GMDS: variants seen among roughly 807,000 people sequenced by gnomAD.
The protein encoded by GMDS is GDP-mannose 4,6 dehydratase.
In GMDS, 20 loss-of-function variants were observed where a neutral mutation model predicts 49.9. The ratio of observed to expected loss-of-function variants is 0.40; its 90% CI spans 0.28 to 0.58. GMDS has a LOEUF of 0.58. Ranked by LOEUF, GMDS falls within the 20% of genes least tolerant of loss-of-function variation. GMDS has a pLI of 0.42. For synonymous variants in GMDS, 177 were observed against 178.6 expected (o/e 0.99, Z 0.07); for missense variants, 362 against 481.4 (o/e 0.75, Z 2.32).
chr6:1,941,572 T>A (rs1028534254), intron 6 of GMDS, among the ~76,000 whole-genome samples: 2 of 151,922 alleles, frequency 1.3e-5, no homozygotes, highest in Non-Finnish European at 2.9e-5. Context: ...CAAGAAAGAA[T>A]GGGGGTGAGA....
chr6:1,952,249 A>G (rs988685516), intron 6 of GMDS: 6 of 152,296 alleles, frequency 3.9e-5, no homozygotes, highest in African/African-American at 1.4e-4. Context: ...TTTCAAGGAA[A>G]AAATAGTATC....
chr6:1,800,379 G>T (rs925586799), intron 7 of GMDS, among the ~76,000 whole-genome samples: 2 of 152,038 alleles, frequency 1.3e-5, no homozygotes, highest in African/African-American at 4.8e-5. Flanking sequence ...TCTCAGGAGG[G>T]TTAGACATCT....
chr6:1,716,096 CAAAATCCCTGG>C (rs1766166620), intron 9 of GMDS, among the ~76,000 whole-genome samples: 1 of 152,178 alleles, frequency 6.6e-6, no homozygotes. Flanking sequence ...TCATTCTCAA[CAAAATCCCTGG>C]AAAATAGGGA....
At chr6:2,034,664 AG>A (rs1001376872) in intron 4 of GMDS, among the ~76,000 whole-genome samples, 3 of 152,196 alleles carry the variant, frequency 2.0e-5, no homozygotes, top group African/African-American at 7.2e-5. Context: ...CAGTTCTCAA[AG>A]TACGGTCTGG....
At chr6:1,725,126 G>T (rs968642517) in intron 9 of GMDS, among the ~76,000 whole-genome samples, 21 of 44,390 alleles carry the variant, frequency 4.7e-4, no homozygotes, top group Admixed American at 1.5e-3. Flanking sequence ...CAGGGAAAAT[G>T]GTTTCAAAAA....
intron 4 of GMDS, among the ~76,000 whole-genome samples, chr6:1,974,901 G>A (rs1178261446): frequency 2.0e-5 from 3 of 151,306 alleles, no homozygotes; most frequent in Non-Finnish European, 4.4e-5. Flanking sequence ...AGCCAGGCAC[G>A]ATGGTGGGCG....
intron 4 of GMDS, among the ~76,000 whole-genome samples, chr6:2,014,535 C>T (rs1317682617): frequency 2.6e-5 from 4 of 151,794 alleles, no homozygotes; most frequent in Non-Finnish European, 5.9e-5. Context: ...AATGTATATC[C>T]CAAACTTTAG....
At chr6:2,080,211 G>A (rs1772599462) in intron 4 of GMDS, among the ~76,000 whole-genome samples, 1 of 151,934 alleles carries the variant, frequency 6.6e-6, no homozygotes, top group Admixed American at 6.6e-5. Flanking sequence ...TTCATATCCT[G>A]CACTGTTTTT....
chr6:1,714,070 T>G (rs1306571322), intron 9 of GMDS, among the ~76,000 whole-genome samples: 1 of 152,160 alleles, frequency 6.6e-6, no homozygotes, highest in Non-Finnish European at 1.5e-5. Context: ...CAGGCTGGAG[T>G]GCAGTGGCAT....
intron 1 of GMDS, among the ~76,000 whole-genome samples, chr6:2,232,475 G>T (rs1781153077): frequency 6.6e-6 from 1 of 152,138 alleles, no homozygotes; most frequent in Non-Finnish European, 1.5e-5. Flanking sequence ...CCTCACTGGT[G>T]TGATCTACCA....
intron 7 of GMDS, among the ~76,000 whole-genome samples, chr6:1,861,983 G>A (rs994636244): frequency 6.6e-6 from 1 of 152,114 alleles, no homozygotes; most frequent in Non-Finnish European, 1.5e-5. Flanking sequence ...AGAGAACAAC[G>A]GAATTACCCA....
chr6:2,030,967 C>G (rs1581542929), intron 4 of GMDS, among the ~76,000 whole-genome samples: 1 of 152,194 alleles, frequency 6.6e-6, no homozygotes, highest in Non-Finnish European at 1.5e-5. Context: ...ACTGTATCAA[C>G]TCTCTCACAC....
At chr6:1,734,837 G>A (rs1766946817) in intron 8 of GMDS, among the ~76,000 whole-genome samples, 1 of 152,202 alleles carries the variant, frequency 6.6e-6, no homozygotes, top group Non-Finnish European at 1.5e-5. Flanking sequence ...GCTACTGAGG[G>A]TAGCTGAAGA....
At chr6:1,849,128 T>G (rs1184179295) in intron 7 of GMDS, among the ~76,000 whole-genome samples, 1 of 152,172 alleles carries the variant, frequency 6.6e-6, no homozygotes, top group Admixed American at 6.5e-5. Flanking sequence ...TAAGTATAGG[T>G]TCTAAGCAAG....
At chr6:1,884,281 G>C (rs986774497) in intron 7 of GMDS, among the ~76,000 whole-genome samples, 1 of 152,134 alleles carries the variant, frequency 6.6e-6, no homozygotes, top group African/African-American at 2.4e-5. Flanking sequence ...GCCAACAAAG[G>C]AAAATATGAT....
At chr6:2,099,503 T>A (rs1361830056) in intron 4 of GMDS, among the ~76,000 whole-genome samples, 1 of 152,146 alleles carries the variant, frequency 6.6e-6, no homozygotes, top group Non-Finnish European at 1.5e-5. Flanking sequence ...TTTACATGCC[T>A]CAGAATCATT....
chr6:1,898,906 C>A (rs1415587044), intron 7 of GMDS, among the ~76,000 whole-genome samples: 1 of 152,064 alleles, frequency 6.6e-6, no homozygotes, highest in Non-Finnish European at 1.5e-5. Flanking sequence ...AACTTACAGC[C>A]AACAATAAAG....
At chr6:2,012,287 G>A (rs1221069202) in intron 4 of GMDS, among the ~76,000 whole-genome samples, 4 of 152,006 alleles carry the variant, frequency 2.6e-5, no homozygotes, top group Non-Finnish European at 5.9e-5. Flanking sequence ...TTAAAAGACT[G>A]TAATCTAATT....
intron 4 of GMDS, among the ~76,000 whole-genome samples, chr6:2,109,446 G>A (rs1774423488): frequency 6.6e-6 from 1 of 152,196 alleles, no homozygotes; most frequent in Admixed American, 6.5e-5. Flanking sequence ...CCCACAGGTA[G>A]AATCACATCT....
Sources: allele counts gnomAD v4.1 joint callset (sites outside exome capture counted in the v4.1 genomes callset), GRCh38; gene constraint gnomAD v4.1.1; transcripts MANE v1.5; gene names NCBI Gene and HGNC (gene_info 2026-07-23, HGNC 2026-07-21).